Variants in ZNF574 observed in about 807,000 individuals in gnomAD.
The protein encoded by ZNF574 is zinc finger protein 574.
In ZNF574, 25 loss-of-function variants were observed where a neutral mutation model predicts 56.6. That is an observed-to-expected ratio of 0.44 (90% CI 0.32 to 0.62). ZNF574 has a LOEUF of 0.62. Ranked by LOEUF, ZNF574 falls within the 20% of genes least tolerant of loss-of-function variation. The pLI is 0.04. For synonymous variants in ZNF574, 543 were observed against 492.1 expected, an observed-to-expected ratio of 1.10 and a Z score of -1.37; for missense variants, 1,065 against 1,218.9, an observed-to-expected ratio of 0.87 and a Z score of 1.88.
In ZNF574 at chr19:42,079,380, T is replaced by A; in HGVS notation, c.774T>A (p.Pro258=). ...AGCAGGAGGTGCAGGCCTCGTCACC[T>A]GCAGAGGTGCCTGTGTCTCAGCCTG... The part of the protein sequence containing the change: ...ALQQEVQASS[P]AEVPVSQPDP... The change falls in exon 2 of 2, where the codon CCT becomes CCA. Residue 258 remains proline, a synonymous_variant. Transcript: ENST00000359044. The surrounding 1 kb of genome is among the most constrained non-coding windows in gnomAD (Gnocchi z 4.3). 6.2e-7 allele frequency: 1 copy of A among 1,613,664 alleles called. No homozygotes were observed. The highest frequency in any genetic ancestry group is 1.1e-5 in the South Asian group (1 of 91,090).
At position 42,080,138 on chromosome 19, in the gene ZNF574, G is replaced by A. The variant is rs753123909; in HGVS notation, c.1532G>A (p.Arg511His). 1.5e-5 allele frequency: 24 copies of A among 1,613,922 alleles called. No individual in the cohort carries two copies. The highest frequency in any genetic ancestry group is 6.7e-5 in the Admixed American group (4 of 60,006). ...GKMFKKKSHV[R>H]NHLRTHTGER... is the part of the protein sequence containing the mutation. ...ATGTTCAAGAAGAAGTCTCACGTGCGTAACCACCTGCGCACACACACAGGG... is the reference window on the plus strand; with the variant it reads ...ATGTTCAAGAAGAAGTCTCACGTGCATAACCACCTGCGCACACACACAGGG... The change falls in exon 2 of 2, where the codon CGT (arginine) becomes CAT (histidine). Residue 511 changes from arginine (R) to histidine (H), a missense_variant. Transcript: ENST00000359044. This position sits in a 1 kb window ranked among gnomAD's most constrained non-coding sequence, Gnocchi z 8.5.
chr19:42,073,619 C>T (rs539545232), upstream of ZNF574, among the ~76,000 whole-genome samples: 23 of 151,146 alleles, frequency 1.5e-4, no homozygotes, highest in South Asian at 4.2e-4. Context: ...GCCAGGAGTT[C>T]GAGACCAGCC....
chr19:42,079,478 G>C lies in ZNF574; in HGVS notation c.872G>C (p.Arg291Pro), dbSNP rs139212245. 1.2e-6 allele frequency: 2 copies of C among 1,613,394 alleles called. No homozygotes were observed. The highest frequency in any genetic ancestry group is 1.7e-6 in the Non-Finnish European group (2 of 1,180,038). Residue 291 changes from arginine to proline, a missense_variant, in exon 2 of 2, where the codon CGC (arginine) becomes CCC (proline). By Grantham distance (103) the Arg-to-Pro change is moderately radical (BLOSUM62 -2). Coordinates refer to ENST00000359044, the MANE Select transcript of ZNF574 (RefSeq NM_022752.6). This position sits in a 1 kb window ranked among gnomAD's most constrained non-coding sequence, Gnocchi z 4.3. ...GCCATTGGGCGGGATCGCCGGGGGC[G>C]CAGGGCCCGGAGGAACAACAGTGGA... ...GEAIGRDRRG[R>P]RARRNNSGEA...
At chr19:42,068,782 C>T (rs2076378658) in exon 1 of ZNF574, 1 of 562,432 alleles carries the variant, frequency 1.8e-6, no homozygotes, top group Non-Finnish European at 3.2e-6. Flanking sequence ...CCAAGAGACA[C>T]AGGAAATGGG....
In ZNF574 at chr19:42,079,486, C is replaced by A. The variant is rs754665702; in HGVS notation, c.880C>A (p.Arg294=). The change falls in exon 2 of 2, where the codon CGG becomes AGG. Residue 294 remains arginine (R), a synonymous_variant. Transcript: ENST00000359044. The surrounding 1 kb of genome is among the most constrained non-coding windows in gnomAD (Gnocchi z 4.3). ...GCGGGATCGCCGGGGGCGCAGGGCC[C>A]GGAGGAACAACAGTGGAGAAGCAGG... ...IGRDRRGRRA[R]RNNSGEAGGA... is the part of the protein sequence containing the mutation. 6.2e-6 allele frequency: 10 copies of A among 1,613,774 alleles called. No homozygotes were observed. Among genetic ancestry groups the A allele is most frequent in the South Asian group, 2.2e-5 (2 of 91,090 alleles).
chr19:42,078,634 C>T lies in ZNF574; in HGVS notation c.28C>T (p.Leu10=). MTEESEETV[L]YIEHRYVCSE... ...GACTGAGGAATCAGAGGAGACAGTC[C>T]TGTACATTGAGCACCGCTATGTCTG... Residue 10 remains leucine, a synonymous_variant, in exon 2 of 2, where the codon CTG becomes TTG. Transcript: ENST00000359044. The T allele has an allele frequency of 6.2e-7, 1 of 1,613,840 alleles. No individual in the cohort carries two copies. Among genetic ancestry groups the T allele is most frequent in the Admixed American group, 1.7e-5 (1 of 60,000 alleles).
rs373559000 is a variant in ZNF574 at position 42,080,547 on chromosome 19, C to T, written c.1941C>T (p.Ser647=). 5.8e-5 allele frequency: 93 copies of T among 1,612,966 alleles called. 2 individuals are homozygous for T. The Middle Eastern group carries it at 2.8e-3, about 49-fold the overall frequency. ...CATCCTGTGGGGCTGCCTTCCCCTC[C>T]TCACTGCGGCTCCGGGAGCACCGCT... ...RCPSCGAAFP[S]SLRLREHRCA... Residue 647 remains serine, a synonymous_variant, in exon 2 of 2, where the codon TCC becomes TCT. Transcript: ENST00000359044. This position sits in a 1 kb window ranked among gnomAD's most constrained non-coding sequence, Gnocchi z 8.5.
chr19:42,069,203 C>G (rs1236599851), intron 1 of ZNF574: 3 of 351,292 alleles, frequency 8.5e-6, no homozygotes, highest in Non-Finnish European at 1.5e-5. Flanking sequence ...CTTCCAGGAC[C>G]CAGAACCCAG....
chr19:42,081,411 G>A lies in ZNF574; in HGVS notation c.*114G>A. The A allele has an allele frequency of 1.9e-5, 26 of 1,378,798 alleles. No homozygotes were observed. Among genetic ancestry groups the A allele is most frequent in the Non-Finnish European group, 2.7e-5 (26 of 978,388 alleles). 85.4% of individuals were successfully genotyped at this position (1,378,798 alleles called of 1,614,324 possible). A position where few individuals can be genotyped will look rare whatever the true frequency, so the allele number is the denominator to read the frequency against. On this transcript the variant is annotated 3_prime_UTR_variant, in exon 2 of 2. Coordinates refer to ENST00000359044, the MANE Select transcript of ZNF574 (RefSeq NM_022752.6). ...TTCCTCTTCCCATCCCCACCACCTT[G>A]TAAGTTCTAAATTGGATTTATTCTC...
rs1160951795 is a variant in ZNF574, at chr19:42,080,976, T to G, written c.2370T>G (p.Gly790=). 1.2e-5 allele frequency: 20 copies of G among 1,614,004 alleles called. No individual in the cohort carries two copies. Among genetic ancestry groups the G allele is most frequent in the Non-Finnish European group, 1.6e-5 (19 of 1,180,026 alleles). Reference sequence around the variant, plus strand: ...AAGACCACCGGCGCCTGCACACAGGTGAGCGGCCCTTTGCCTGTGAAGTGT... The same window carrying G: ...AAGACCACCGGCGCCTGCACACAGGGGAGCGGCCCTTTGCCTGTGAAGTGT... ...HLKDHRRLHT[G]ERPFACEVCG... The change falls in exon 2 of 2, where the codon GGT becomes GGG. Residue 790 remains glycine (G), a synonymous_variant. Transcript: ENST00000359044. This position sits in a 1 kb window ranked among gnomAD's most constrained non-coding sequence, Gnocchi z 8.5.
chr19:42,072,568 CTTTTT>C (rs888861060), upstream of ZNF574, among the ~76,000 whole-genome samples: 1 of 144,146 alleles, frequency 6.9e-6, no homozygotes, highest in South Asian at 2.2e-4. Context: ...TTCTTTCTTT[CTTTTT>C]TTTTTTTCTT....
At chr19:42,078,212 A>G (rs1217511159) in intron 1 of ZNF574, among the ~76,000 whole-genome samples, 1 of 152,056 alleles carries the variant, frequency 6.6e-6, no homozygotes. Flanking sequence ...GTGAGTTGGT[A>G]AGAAAAGGAG....
chr19:42,069,160 G>A, intron 1 of ZNF574: 1 of 395,188 alleles, frequency 2.5e-6, no homozygotes, highest in South Asian at 1.0e-4. Flanking sequence ...GGAGAATGTG[G>A]TGCCCCCCTG....
upstream of ZNF574, chr19:42,075,295 G>C (rs1366665568): frequency 6.6e-6 from 1 of 152,418 alleles, no homozygotes; most frequent in Non-Finnish European, 1.5e-5. Context: ...CCCCAATCTC[G>C]AGGTGTAAGG....
In ZNF574 at chr19:42,081,074, C is replaced by A; in HGVS notation, c.2468C>A (p.Ser823Tyr). The change falls in exon 2 of 2, where the codon TCC becomes TAC. Residue 823 changes from serine (S) to tyrosine (Y), a missense_variant. Physicochemically the swap from Ser to Tyr is moderately radical, Grantham distance 144. Coordinates refer to ENST00000359044, the MANE Select transcript of ZNF574 (RefSeq NM_022752.6). ...ATCCACACAGGCGAACGACCCTACT[C>A]CTGCCCTGACTGTGGCAAGAGCTAC... ...RRIHTGERPY[S>Y]CPDCGKSYRS... 5 of 1,614,208 alleles carry A rather than the reference C, an allele frequency of 3.1e-6. No homozygotes were observed. The highest frequency in any genetic ancestry group is 4.2e-6 in the Non-Finnish European group (5 of 1,180,046).
chr19:42,073,356 T>G (rs1442634790), upstream of ZNF574, among the ~76,000 whole-genome samples: 1 of 152,126 alleles, frequency 6.6e-6, no homozygotes, highest in Non-Finnish European at 1.5e-5. Context: ...TCAAGAGATG[T>G]TAGTTATTAT....
chr19:42,074,512 G>T (rs766056615), upstream of ZNF574, among the ~76,000 whole-genome samples: 6 of 150,550 alleles, frequency 4.0e-5, no homozygotes, highest in Non-Finnish European at 7.4e-5. Context: ...AAAATAAAAT[G>T]AGTAACTCCT....
At chr19:42,069,986 G>A (rs969202871) in intron 1 of ZNF574, among the ~76,000 whole-genome samples, 7 of 152,256 alleles carry the variant, frequency 4.6e-5, no homozygotes, top group Admixed American at 2.6e-4. Context: ...AGAGAAAGGC[G>A]GAGGAGGGTG....
upstream of ZNF574, chr19:42,074,664 C>CT (rs898293976): frequency 1.3e-5 from 2 of 152,096 alleles, no homozygotes; most frequent in Non-Finnish European, 2.9e-5. Flanking sequence ...ATCCGGGAAT[C>CT]TGTTTTAACT....
Sources: gnomAD v4.1 joint callset for allele counts (sites outside exome capture counted in the v4.1 genomes callset) on GRCh38, gnomAD v4.1.1 for gene constraint, Gnocchi (gnomAD v3.1) non-coding constraint, MANE v1.5 for transcripts, NCBI Gene and HGNC (gene_info 2026-07-23, HGNC 2026-07-21) for gene names.